Variants in PALS1 observed in about 807,000 individuals in gnomAD.
PALS1 encodes protein associated with LIN7 1, MAGUK p55 family member.
In PALS1, 31 loss-of-function variants were observed where a neutral mutation model predicts 78.9. That is an observed-to-expected ratio of 0.39 (90% CI 0.30 to 0.53). The LOEUF is 0.53. Among genes scored for constraint, PALS1 ranks in the 20% least tolerant of loss-of-function variants. The probability of loss-of-function intolerance (pLI) is 0.67; values close to 1 mark genes in which losing one functional copy is unlikely to be tolerated. For synonymous variants in PALS1, 276 were observed against 270.9 expected (o/e 1.02, Z -0.18); for missense variants, 704 against 826.5 (o/e 0.85, Z 1.82).
chr14:67,255,926 A>T (rs183629956), intron 1 of PALS1, among the ~76,000 whole-genome samples: 98 of 152,348 alleles, frequency 6.4e-4, no homozygotes, highest in Non-Finnish European at 1.1e-3. Context: ...ACCTCAAGTG[A>T]TCCACATGCT....
intron 12 of PALS1, 52 bp from the exon 13 acceptor site, chr14:67,321,005 T>G: frequency 6.8e-7 from 1 of 1,468,874 alleles, no homozygotes; most frequent in Non-Finnish European, 9.5e-7. Flanking sequence ...AATTATCCCC[T>G]GTCCTCACTC....
chr14:67,273,121 T>C (rs944159180), intron 2 of PALS1, among the ~76,000 whole-genome samples: 13 of 151,338 alleles, frequency 8.6e-5, no homozygotes, highest in Admixed American at 5.3e-4. Flanking sequence ...TTCTTTCTTT[T>C]TTTTTTTTTT....
At position 67,335,214 on chromosome 14, in the gene PALS1, C is replaced by G. The variant is rs994149411; in HGVS notation, c.*2258C>G. ...AGAAATGTCCTAAACTTTTCTAAATCCTAGTGATGAGGATGTGCTGATATT... is the reference window on the plus strand; with the variant it reads ...AGAAATGTCCTAAACTTTTCTAAATGCTAGTGATGAGGATGTGCTGATATT... On this transcript the variant is annotated 3_prime_UTR_variant, in exon 15 of 15. Coordinates refer to ENST00000261681, the MANE Select transcript of PALS1 (RefSeq NM_022474.4). 2 of 152,166 alleles carry G rather than the reference C, an allele frequency of 1.3e-5. No individual in the cohort carries two copies. Among genetic ancestry groups the G allele is most frequent in the Non-Finnish European group, 2.9e-5 (2 of 68,022 alleles). The allele number at this position is 152,166 out of a possible 1,614,324, so 9.4% of individuals were successfully genotyped here. A position where few individuals can be genotyped will look rare whatever the true frequency, so the allele number is the denominator to read the frequency against.
chr14:67,300,231 T>A (rs1274729485), intron 4 of PALS1, among the ~76,000 whole-genome samples: 1 of 152,014 alleles, frequency 6.6e-6, no homozygotes, highest in Non-Finnish European at 1.5e-5. Flanking sequence ...AATTAATTAA[T>A]CCCAAAATTA....
At chr14:67,286,944 G>A (rs753586338) in intron 3 of PALS1, among the ~76,000 whole-genome samples, 22 of 151,938 alleles carry the variant, frequency 1.4e-4, no homozygotes, top group South Asian at 4.2e-4. Flanking sequence ...ATGGCTGCGC[G>A]TGGTGGCTCA....
chr14:67,262,775 T>C (rs1567507049), intron 1 of PALS1, among the ~76,000 whole-genome samples: 1 of 152,326 alleles, frequency 6.6e-6, no homozygotes, highest in Non-Finnish European at 1.5e-5. Context: ...CTTTATCTTC[T>C]ATCTCTTACG....
intron 1 of PALS1, among the ~76,000 whole-genome samples, chr14:67,261,358 G>C (rs1156642968): frequency 6.6e-6 from 1 of 152,104 alleles, no homozygotes; most frequent in Non-Finnish European, 1.5e-5. Flanking sequence ...TAAGGTAGTG[G>C]CATGAGAAGG....
At chr14:67,292,969 A>T (rs920589916) in intron 4 of PALS1, among the ~76,000 whole-genome samples, 1 of 152,192 alleles carries the variant, frequency 6.6e-6, no homozygotes, top group Non-Finnish European at 1.5e-5. Flanking sequence ...TTTGGATAGT[A>T]ACAAATATTT....
chr14:67,266,604 G>T (rs1410055538), intron 1 of PALS1, among the ~76,000 whole-genome samples: 1 of 152,126 alleles, frequency 6.6e-6, no homozygotes, highest in African/African-American at 2.4e-5. Flanking sequence ...GGGATTACAG[G>T]CATGAGCCAC....
At chr14:67,303,670 T>A in intron 8 of PALS1, 71 bp downstream of exon 8, 7 of 1,040,704 alleles carry the variant, frequency 6.7e-6, no homozygotes, top group Non-Finnish European at 9.1e-6. Context: ...TGTTTACTGT[T>A]ACAGAAATGT....
intron 1 of PALS1, among the ~76,000 whole-genome samples, chr14:67,244,444 G>T (rs780482383): frequency 6.6e-6 from 1 of 152,176 alleles, no homozygotes; most frequent in Non-Finnish European, 1.5e-5. Context: ...TGCTAATCTG[G>T]TGGATGAGAA....
chr14:67,301,546 A>G, intron 5 of PALS1, 80 bp downstream of exon 5: 1 of 870,428 alleles, frequency 1.1e-6, no homozygotes, highest in Non-Finnish European at 1.8e-6. Context: ...CCAGTACTGG[A>G]AGAGATGTCA....
chr14:67,259,092 C>G (rs2084190512), intron 1 of PALS1, among the ~76,000 whole-genome samples: 1 of 151,984 alleles, frequency 6.6e-6, no homozygotes, highest in East Asian at 2.0e-4. Context: ...ATCCGCCTGC[C>G]TCGGCTTCCC....
intron 1 of PALS1, among the ~76,000 whole-genome samples, chr14:67,255,373 C>T (rs1268591209): frequency 6.6e-6 from 1 of 152,040 alleles, no homozygotes; most frequent in African/African-American, 2.4e-5. Context: ...GAATCATGAA[C>T]CTGACATATT....
In PALS1 at chr14:67,320,270, A is replaced by G; in HGVS notation, c.1410A>G (p.Ser470=). 6.2e-7 allele frequency: 1 copy of G among 1,613,606 alleles called. No homozygotes were observed. The change falls in exon 12 of 15, where the codon TCA becomes TCG. Residue 470 remains serine (S), a synonymous_variant. Transcript: ENST00000261681. ...AGATCTTAACCTATGAGGAAATGTC[A>G]CTTTATCATCAGCCAGCAAATAGGA... ...NEEILTYEEM[S]LYHQPANRKR... is the part of the protein sequence containing the mutation.
chr14:67,335,376 G>T lies in PALS1; in HGVS notation c.*2420G>T, dbSNP rs1359211413. On this transcript the variant is annotated 3_prime_UTR_variant, in exon 15 of 15. Transcript: ENST00000261681. ...CTGTCCCTCTGTGGTTCTGACTGGA[G>T]ACCCCAGTGTGGGGGAGGTCTTACC... The T allele has an allele frequency of 6.6e-6, 1 of 152,212 alleles. No homozygotes were observed. Among genetic ancestry groups the T allele is most frequent in the Non-Finnish European group, 1.5e-5 (1 of 68,042 alleles). The allele number at this position is 152,212 out of a possible 1,614,324, so 9.4% of individuals were successfully genotyped here. A position where few individuals can be genotyped will look rare whatever the true frequency, so the allele number is the denominator to read the frequency against.
intron 1 of PALS1, among the ~76,000 whole-genome samples, chr14:67,249,438 T>C (rs1025008334): frequency 2.0e-5 from 3 of 152,200 alleles, no homozygotes; most frequent in Non-Finnish European, 4.4e-5. Flanking sequence ...AGCTGAGATA[T>C]GGAAAGCACC....
At chr14:67,300,855 T>C (rs549390191) in intron 4 of PALS1, among the ~76,000 whole-genome samples, 5 of 152,012 alleles carry the variant, frequency 3.3e-5, no homozygotes, top group Admixed American at 1.3e-4. Flanking sequence ...TTTTTAATTA[T>C]ATAAAAAAAT....
At chr14:67,242,213 T>C (rs964342441) in intron 1 of PALS1, among the ~76,000 whole-genome samples, 4 of 152,212 alleles carry the variant, frequency 2.6e-5, no homozygotes, top group African/African-American at 9.6e-5. Context: ...CTTCTGTTGA[T>C]TGACATACAG....
Sources: allele counts gnomAD v4.1 joint callset (sites outside exome capture counted in the v4.1 genomes callset), GRCh38; gene constraint gnomAD v4.1.1; transcripts MANE v1.5; gene names NCBI Gene and HGNC (gene_info 2026-07-23, HGNC 2026-07-21).